The following GRID1 variants were observed in gnomAD, a reference collection of about 807,000 sequenced individuals.
GRID1 encodes glutamate ionotropic receptor delta type subunit 1, also known as glutamate receptor ionotropic, delta-1.
Under a neutral mutation model 98.0 loss-of-function variants are expected in GRID1, and 28 were observed. That is an observed-to-expected ratio of 0.29 (90% CI 0.21 to 0.39). GRID1 has a LOEUF of 0.39. Among genes scored for constraint, GRID1 ranks in the 10% least tolerant of loss-of-function variants. The pLI is 1.00. For synonymous variants in GRID1, 553 were observed against 538.5 expected (o/e 1.03, Z -0.37); for missense variants, 1,111 against 1,340.5 (o/e 0.83, Z 2.67).
At chr10:85,609,430 G>A (rs1356263334) in intron 15 of GRID1, among the ~76,000 whole-genome samples, 2 of 152,222 alleles carry the variant, frequency 1.3e-5, no homozygotes, top group African/African-American at 4.8e-5. Context: ...AATCCTCAGT[G>A]CAACGCTGTG....
At chr10:86,125,178 T>C (rs1844734631) in intron 4 of GRID1, among the ~76,000 whole-genome samples, 1 of 152,208 alleles carries the variant, frequency 6.6e-6, no homozygotes. Context: ...AAAAGCACCA[T>C]GGCTTCCACG....
chr10:86,294,291 G>A (rs779764762), intron 2 of GRID1, among the ~76,000 whole-genome samples: 12 of 152,242 alleles, frequency 7.9e-5, no homozygotes, highest in Non-Finnish European at 1.3e-4. Context: ...GCAGCACAAG[G>A]CCTGGCGACT....
At chr10:86,221,865 T>C (rs1424250240) in intron 2 of GRID1, among the ~76,000 whole-genome samples, 1 of 149,740 alleles carries the variant, frequency 6.7e-6, no homozygotes, top group African/African-American at 2.5e-5. Flanking sequence ...GCCAGAGGGC[T>C]GGAGGTGGAA....
intron 2 of GRID1, among the ~76,000 whole-genome samples, chr10:86,239,953 G>C (rs1171185862): frequency 6.6e-6 from 1 of 152,018 alleles, no homozygotes; most frequent in South Asian, 2.1e-4. Flanking sequence ...TATAAGACTG[G>C]TGTCCTCATA....
intron 2 of GRID1, among the ~76,000 whole-genome samples, chr10:86,276,682 G>T (rs1387575229): frequency 6.6e-6 from 1 of 151,880 alleles, no homozygotes; most frequent in African/African-American, 2.4e-5. Flanking sequence ...TAGAGACGGG[G>T]TTTCACCATA....
intron 8 of GRID1, among the ~76,000 whole-genome samples, chr10:85,850,962 C>T (rs143278397): frequency 1.3e-5 from 2 of 152,248 alleles, no homozygotes; most frequent in South Asian, 2.1e-4. Flanking sequence ...AGTTCCTGCC[C>T]GCTCCCTACA....
At chr10:86,111,630 G>C (rs1844485889) in intron 4 of GRID1, among the ~76,000 whole-genome samples, 1 of 152,168 alleles carries the variant, frequency 6.6e-6, no homozygotes, top group African/African-American at 2.4e-5. Context: ...GGGATAAAGG[G>C]GTTAACCCAA....
intron 12 of GRID1, among the ~76,000 whole-genome samples, chr10:85,704,288 T>C (rs1023443358): frequency 1.3e-5 from 2 of 151,758 alleles, no homozygotes; most frequent in African/African-American, 2.4e-5. Context: ...ACCAAGCAAG[T>C]GGAAAACAAA....
chr10:85,666,882 C>A (rs1042016672), intron 12 of GRID1, among the ~76,000 whole-genome samples: 2 of 152,180 alleles, frequency 1.3e-5, no homozygotes, highest in Non-Finnish European at 2.9e-5. Context: ...AACACCTGGG[C>A]TGCCTTGCCC....
chr10:86,296,297 A>G (rs1847587084), intron 2 of GRID1, among the ~76,000 whole-genome samples: 2 of 152,230 alleles, frequency 1.3e-5, no homozygotes, highest in African/African-American at 4.8e-5. Context: ...AGCTGTGCCC[A>G]ATGTCTGTCT....
chr10:86,255,223 C>G (rs117470379), intron 2 of GRID1, among the ~76,000 whole-genome samples: 6,052 of 152,332 alleles, frequency 0.04, 237 homozygotes, highest in Admixed American at 0.11. Context: ...TTCAAATATT[C>G]TGTCATGCAT....
chr10:86,126,436 C>T (rs1472646654), intron 4 of GRID1, among the ~76,000 whole-genome samples: 2 of 152,046 alleles, frequency 1.3e-5, no homozygotes, highest in Non-Finnish European at 2.9e-5. Flanking sequence ...GCCTGGGCGA[C>T]AGAGTGAGAC....
intron 4 of GRID1, among the ~76,000 whole-genome samples, chr10:86,088,274 G>A (rs149779546): frequency 1.3e-5 from 2 of 152,124 alleles, no homozygotes; most frequent in Admixed American, 6.6e-5. Context: ...TGGGATAAAA[G>A]GTAAATAAGA....
At chr10:85,820,577 G>A (rs955172238) in intron 8 of GRID1, among the ~76,000 whole-genome samples, 3 of 152,180 alleles carry the variant, frequency 2.0e-5, no homozygotes, top group Admixed American at 6.5e-5. Flanking sequence ...TCCCAGATTC[G>A]ATATATTTAT....
intron 13 of GRID1, among the ~76,000 whole-genome samples, chr10:85,624,427 G>A (rs1842888619): frequency 6.6e-6 from 1 of 152,172 alleles, no homozygotes; most frequent in Non-Finnish European, 1.5e-5. Flanking sequence ...CTTACTCCAA[G>A]CCTTGAGCTG....
At chr10:86,121,497 CACCA>C (rs1844670508) in intron 4 of GRID1, among the ~76,000 whole-genome samples, 6 of 151,920 alleles carry the variant, frequency 3.9e-5, no homozygotes, top group East Asian at 3.9e-4. Flanking sequence ...TCACCATCAT[CACCA>C]TCACCATCAT....
chr10:85,647,400 G>C lies in GRID1; in HGVS notation c.1998-3C>G. 1 of 1,612,226 alleles carries C rather than the reference G, an allele frequency of 6.2e-7. No individual in the cohort carries two copies. The highest frequency in any genetic ancestry group is 8.5e-7 in the Non-Finnish European group (1 of 1,178,354). On this transcript the variant is annotated splice_polypyrimidine_tract_variant and splice_region_variant and intron_variant, in intron 12 of 15. Coordinates refer to ENST00000327946, the MANE Select transcript of GRID1 (RefSeq NM_017551.3). The stretch of plus-strand genomic sequence containing the variant: ...GTTTGGACAGGTCCTGGAAAGTCCT[G>C]AAATGCAGAAAGGCAGCGAGGCATG...
At chr10:86,320,679 T>C (rs1847957762) in intron 2 of GRID1, among the ~76,000 whole-genome samples, 1 of 152,192 alleles carries the variant, frequency 6.6e-6, no homozygotes, top group African/African-American at 2.4e-5. Context: ...AAATGGTAAA[T>C]GTTATGTACA....
At chr10:86,297,654 GAT>G (rs959505636) in intron 2 of GRID1, among the ~76,000 whole-genome samples, 1 of 152,112 alleles carries the variant, frequency 6.6e-6, no homozygotes, top group African/African-American at 2.4e-5. Context: ...AAAGAAACAA[GAT>G]AACTAAAATT....
Sources: gnomAD v4.1 joint callset for allele counts (sites outside exome capture counted in the v4.1 genomes callset) on GRCh38, gnomAD v4.1.1 for gene constraint, MANE v1.5 for transcripts, NCBI Gene and HGNC (gene_info 2026-07-23, HGNC 2026-07-21) for gene names.